Variants in RESF1 observed in about 807,000 individuals in gnomAD.
RESF1 encodes the protein gonad expressed transcript.
A neutral mutation model predicts 134.7 loss-of-function variants in RESF1; 65 were observed. The ratio of observed to expected loss-of-function variants is 0.48; its 90% CI spans 0.40 to 0.59. The LOEUF is 0.59. RESF1 is among the 20% of genes least tolerant of loss of function. RESF1 has a pLI of 0.00. For synonymous variants in RESF1, 762 were observed against 702.2 expected (o/e 1.09, Z -1.35); for missense variants, 2,274 against 2,002.7 (o/e 1.14, Z -2.59).
chr12:31,984,685 G>A lies in RESF1; in HGVS notation c.3730G>A (p.Gly1244Arg), dbSNP rs1939917270. The change falls in exon 4 of 6, where the codon GGG becomes AGG. Residue 1244 changes from glycine to arginine, a missense_variant. Gly to Arg is a moderately radical substitution (Grantham distance 125). Coordinates refer to ENST00000312561, the MANE Select transcript of RESF1 (RefSeq NM_018169.4). ...AAATAATCCAAAGACTCCTCCAGAT[G>A]GGAAAAGTCATTTTCCTGAACTACA... ...LVNNPKTPPD[G>R]KSHFPELQDD... The A allele has an allele frequency of 3.8e-6, 6 of 1,588,856 alleles. No homozygotes were observed. The highest frequency in any genetic ancestry group is 5.1e-6 in the Non-Finnish European group (6 of 1,173,778).
In RESF1 at chr12:31,985,734, A is replaced by G. The variant is rs748941594; in HGVS notation, c.4779A>G (p.Glu1593=). Residue 1593 remains glutamate, a synonymous_variant, in exon 4 of 6, where the codon GAA becomes GAG. Transcript: ENST00000312561. ...TTGGGTTTAAATGCACTGAACGTGA[A>G]AGCATTTCTCTCACCAAATTAGAAA... ...NRVGFKCTER[E]SISLTKLESS... is the part of the protein sequence containing the mutation. The G allele has an allele frequency of 1.3e-6, 2 of 1,591,588 alleles. No individual in the cohort carries two copies. The highest frequency in any genetic ancestry group is 1.2e-5 in the South Asian group (1 of 86,250).
intron 4 of RESF1, 84 bp from the exon 5 acceptor site, chr12:31,987,155 T>G: frequency 1.4e-6 from 1 of 737,874 alleles, no homozygotes; most frequent in South Asian, 1.7e-5. Flanking sequence ...AAATCTATTT[T>G]CAGCTTACAT....
intron 4 of RESF1, 59 bp downstream of exon 4, chr12:31,986,016 T>C (rs752332443): frequency 2.6e-5 from 31 of 1,189,132 alleles, no homozygotes; most frequent in Non-Finnish European, 3.1e-5. Flanking sequence ...AGGTCAATAT[T>C]TGGGCTAGCA....
At chr12:31,989,377 CAG>C (rs772760485) in intron 5 of RESF1, among the ~76,000 whole-genome samples, 2 of 106,970 alleles carry the variant, frequency 1.9e-5, no homozygotes, top group Non-Finnish European at 1.7e-5. Context: ...GCCTGGGTGA[CAG>C]AGAGAGAGTC....
chr12:31,959,670 C>T (rs1170291869), intron 1 of RESF1, 179 bp downstream of exon 1: 1 of 151,054 alleles, frequency 6.6e-6, no homozygotes, highest in Non-Finnish European at 1.5e-5. Flanking sequence ...TCGGGCCCCG[C>T]CGGCTCGCGC....
chr12:31,992,399 C>T lies in RESF1; in HGVS notation c.5108C>T (p.Ser1703Leu), dbSNP rs773678678. 9.9e-6 allele frequency: 16 copies of T among 1,612,234 alleles called. No homozygotes were observed. Among genetic ancestry groups the T allele is most frequent in the South Asian group, 6.6e-5 (6 of 90,726 alleles). The change falls in exon 6 of 6, where the codon TCG becomes TTG. Residue 1703 changes from serine (S) to leucine (L), a missense_variant. By Grantham distance (145) the Ser-to-Leu change is moderately radical (BLOSUM62 -2). Coordinates refer to ENST00000312561, the MANE Select transcript of RESF1 (RefSeq NM_018169.4). ...QERDNVNSRL[S>L]KRSFSADGFE... ...TTAGATAATGTTAATTCAAGACTCT[C>T]GAAGAGAAGCTTCAGTGCAGATGGA...
At chr12:31,972,706 T>C (rs553887346) in intron 3 of RESF1, among the ~76,000 whole-genome samples, 1 of 151,984 alleles carries the variant, frequency 6.6e-6, no homozygotes, top group Non-Finnish European at 1.5e-5. Context: ...GGAATTAAAA[T>C]GAATTAGAGG....
At chr12:31,968,431 A>T (rs1939442819) in intron 2 of RESF1, among the ~76,000 whole-genome samples, 1 of 150,774 alleles carries the variant, frequency 6.6e-6, no homozygotes, top group Admixed American at 6.6e-5. Context: ...CCCATCTATA[A>T]GTTTACATTA....
intron 5 of RESF1, among the ~76,000 whole-genome samples, 174 bp from the exon 6 acceptor site, chr12:31,992,204 C>T (rs1324271138): frequency 2.0e-5 from 3 of 150,966 alleles, no homozygotes; most frequent in African/African-American, 7.3e-5. Flanking sequence ...CAAGATGTCA[C>T]GTGTATATAA....
intron 2 of RESF1, among the ~76,000 whole-genome samples, chr12:31,964,914 C>T (rs1939364357): frequency 6.6e-6 from 1 of 152,138 alleles, no homozygotes. Context: ...TGATCAATGC[C>T]TGTCCTGTGT....
Position 31,981,772 on chromosome 12 carries a change from A to T in RESF1, c.817A>T (p.Thr273Ser). Reference sequence around the variant, plus strand: ...ACCATCACAGCAGTATGCCACGCAAACTGACAAAAGACCTCCTCCTCCTCC... The same window carrying T: ...ACCATCACAGCAGTATGCCACGCAATCTGACAAAAGACCTCCTCCTCCTCC... ...AVPSQQYATQ[T>S]DKRPPPPPYN... Residue 273 changes from threonine to serine, a missense_variant, in exon 4 of 6, where the codon ACT (threonine) becomes TCT (serine). Thr to Ser is a moderately conservative substitution (Grantham distance 58, BLOSUM62 1). Transcript: ENST00000312561. The T allele has an allele frequency of 6.2e-7, 1 of 1,613,944 alleles. No individual in the cohort carries two copies. The highest frequency in any genetic ancestry group is 8.5e-7 in the Non-Finnish European group (1 of 1,180,044).
chr12:31,984,581 C>T lies in RESF1; in HGVS notation c.3626C>T (p.Pro1209Leu), dbSNP rs758164113. Residue 1209 changes from proline to leucine, a missense_variant, in exon 4 of 6, where the codon CCT becomes CTT. Coordinates refer to ENST00000312561, the MANE Select transcript of RESF1 (RefSeq NM_018169.4). ...EEEKQKEQCS[P>L]LDTNSCKQGE... is the part of the protein sequence containing the mutation. ...GAGAAACAAAAAGAGCAGTGTTCTC[C>T]TTTGGATACCAACAGTTGTAAACAA... 7 of 1,583,768 alleles carry T rather than the reference C, an allele frequency of 4.4e-6. No individual in the cohort carries two copies. The South Asian group carries it at 4.7e-5, about 11-fold the overall frequency.
chr12:31,982,646 T>C lies in RESF1; in HGVS notation c.1691T>C (p.Val564Ala), dbSNP rs1006487902. The change falls in exon 4 of 6, where the codon GTT becomes GCT. Residue 564 changes from valine to alanine, a missense_variant. By Grantham distance (64) the Val-to-Ala change is moderately conservative (BLOSUM62 0). Transcript: ENST00000312561. The stretch of plus-strand genomic sequence containing the variant: ...CCAGCAGTTTGTGAAACAATTTCTG[T>C]TCCCAAGTCCATGTCCACTGAGGAA... ...NSPAVCETISVPKSMSTEEYK... is the reference protein window; with the variant it reads ...NSPAVCETISAPKSMSTEEYK... 3.1e-6 allele frequency: 5 copies of C among 1,613,940 alleles called. No individual in the cohort carries two copies. Among genetic ancestry groups the C allele is most frequent in the Non-Finnish European group, 4.2e-6 (5 of 1,180,026 alleles).
At position 31,984,836 on chromosome 12, in the gene RESF1, GA is replaced by G; in HGVS notation, c.3888del (p.Lys1296AsnfsTer2). ...DKLNPLQNHK[R>X]KKLRFHEVTF... ...CTAAATCCCTTGCAAAATCACAAAAGAAAAAAATTGAGGTTTCACGAGGTAA... is the reference window on the plus strand; with the variant it reads ...CTAAATCCCTTGCAAAATCACAAAAGAAAAAATTGAGGTTTCACGAGGTAA... On this transcript the variant is annotated frameshift_variant, in exon 4 of 6. Coordinates refer to ENST00000312561, the MANE Select transcript of RESF1 (RefSeq NM_018169.4). LOFTEE classifies it high-confidence loss of function. 1 of 1,600,322 alleles carries G rather than the reference GA, an allele frequency of 6.2e-7. No individual in the cohort carries two copies. The highest frequency in any genetic ancestry group is 8.5e-7 in the Non-Finnish European group (1 of 1,176,728).
intron 3 of RESF1, among the ~76,000 whole-genome samples, chr12:31,978,430 A>G (rs1031797526): frequency 9.9e-5 from 15 of 152,186 alleles, no homozygotes; most frequent in African/African-American, 3.4e-4. Flanking sequence ...AAAATGATTA[A>G]TGGAGGGATA....
chr12:31,972,822 A>C (rs1252990726), intron 3 of RESF1, among the ~76,000 whole-genome samples: 4 of 152,206 alleles, frequency 2.6e-5, no homozygotes, highest in African/African-American at 9.7e-5. Flanking sequence ...CTACATTCTC[A>C]GAATTGTTTA....
rs1169085479 is a variant in RESF1, at chr12:31,981,173, T to C, written c.218T>C (p.Ile73Thr). Reference sequence around the variant, plus strand: ...AATATCCAAAATTATCCTCAACAAATTTCTGTTTCTGATATGCATAATGGG... The same window carrying C: ...AATATCCAAAATTATCCTCAACAAACTTCTGTTTCTGATATGCATAATGGG... ...LLNIQNYPQQ[I>T]SVSDMHNGTV... Residue 73 changes from isoleucine (I) to threonine (T), a missense_variant, in exon 4 of 6, where the codon ATT (isoleucine) becomes ACT (threonine). Physicochemically the swap from Ile to Thr is moderately conservative, Grantham distance 89. Coordinates refer to ENST00000312561, the MANE Select transcript of RESF1 (RefSeq NM_018169.4). 6.2e-7 allele frequency: 1 copy of C among 1,614,058 alleles called. No homozygotes were observed.
chr12:31,987,715 TTAAC>T (rs1447744636), intron 5 of RESF1, among the ~76,000 whole-genome samples: 4 of 121,150 alleles, frequency 3.3e-5, no homozygotes, highest in Non-Finnish European at 6.8e-5. Context: ...TGTGTTCTGA[TTAAC>T]TATTTATTTA....
In RESF1 at chr12:31,985,469, C is replaced by T. The variant is rs764439248; in HGVS notation, c.4514C>T (p.Ser1505Phe). The T allele has an allele frequency of 3.7e-6, 6 of 1,608,060 alleles. No individual in the cohort carries two copies. The highest frequency in any genetic ancestry group is 2.2e-5 in the East Asian group (1 of 44,850). Residue 1505 changes from serine to phenylalanine, a missense_variant, in exon 4 of 6, where the codon TCT (serine) becomes TTT (phenylalanine). By Grantham distance (155) the Ser-to-Phe change is radical. Transcript: ENST00000312561. ...AAACACAGCAGCGGCGTGCAGACCT[C>T]TAAAGAATCATTAAATGGCTTGACA... ...NEKHSSGVQT[S>F]KESLNGLTSH...
Sources: gnomAD v4.1 joint callset for allele counts (sites outside exome capture counted in the v4.1 genomes callset) on GRCh38, gnomAD v4.1.1 for gene constraint, MANE v1.5 for transcripts, NCBI Gene and HGNC (gene_info 2026-07-23, HGNC 2026-07-21) for gene names.